Variants in SMOC2 observed in about 807,000 individuals in gnomAD.
SMOC2 encodes the protein SPARC related modular calcium binding 2, also known as SPARC-related modular calcium-binding protein 2.
A neutral mutation model predicts 61.4 loss-of-function variants in SMOC2; 39 were observed. That is an observed-to-expected ratio of 0.64 (90% CI 0.49 to 0.83). SMOC2 has a LOEUF of 0.83. SMOC2 is among the 40% of genes least tolerant of loss of function. The probability of loss-of-function intolerance (pLI) is 0.00; values close to 1 mark genes in which losing one functional copy is unlikely to be tolerated. For missense variants in SMOC2, 556 were observed against 592.9 expected (o/e 0.94, Z 0.65); for synonymous variants, 247 against 239.9 (o/e 1.03, Z -0.27).
chr6:168,601,503 A>G (rs1029813699), intron 8 of SMOC2, among the ~76,000 whole-genome samples: 23 of 152,254 alleles, frequency 1.5e-4, no homozygotes, highest in Admixed American at 2.6e-4. Flanking sequence ...GAGAATTATT[A>G]TTTTTTTAGT....
intron 4 of SMOC2, among the ~76,000 whole-genome samples, chr6:168,541,290 A>C (rs1453497485): frequency 6.6e-6 from 1 of 152,200 alleles, no homozygotes; most frequent in Non-Finnish European, 1.5e-5. Context: ...TGTGTCTGTG[A>C]ACAGCAAGCA....
chr6:168,630,997 G>A (rs147758551), intron 9 of SMOC2, among the ~76,000 whole-genome samples: 36 of 152,280 alleles, frequency 2.4e-4, no homozygotes, highest in Non-Finnish European at 4.7e-4. Context: ...CCGGGCCTGT[G>A]GTCCTGTGAT....
In SMOC2 at chr6:168,453,911, CCT is replaced by C. The variant is rs1562536992; in HGVS notation, c.84+12466_84+12467del. Among the ~76,000 whole-genome samples the C allele has an allele frequency of 6.6e-6, 1 of 150,768 alleles. No homozygotes were observed. Among genetic ancestry groups the C allele is most frequent in the African/African-American group, 2.4e-5 (1 of 40,982 alleles). On this transcript the variant is annotated intron_variant, in intron 1 of 12. Transcript: ENST00000356284. The surrounding 1 kb of genome is among the most constrained non-coding windows in gnomAD (Gnocchi z 4.4). ...CTCTATCTCTCTTTCTCTCTGTCTT[CCT>C]CTCTCTCTGTCTCTCTGATTCTATC...
chr6:168,601,342 C>T (rs1785550147), intron 8 of SMOC2, among the ~76,000 whole-genome samples: 1 of 152,230 alleles, frequency 6.6e-6, no homozygotes, highest in Admixed American at 6.5e-5. Context: ...TGACCGCCTG[C>T]TCTCGACACC....
intron 9 of SMOC2, among the ~76,000 whole-genome samples, chr6:168,609,255 A>G (rs1785791370): frequency 6.6e-6 from 1 of 152,194 alleles, no homozygotes; most frequent in Non-Finnish European, 1.5e-5. Context: ...CTGGCTTGTT[A>G]GGAACTGTCT....
In SMOC2 at chr6:168,526,533, G is replaced by A. The variant is rs12111003; in HGVS notation, c.363+81G>A. The stretch of plus-strand genomic sequence containing the variant: ...GAGCGGGTGTGGGGAGAAGGCAGGT[G>A]GGGGGAGCCGAACAGAAGAAGCAGC... On this transcript the variant is annotated intron_variant, in intron 3 of 12. Transcript: ENST00000356284. 348,868 of 1,133,846 alleles carry A rather than the reference G, an allele frequency of 0.31. 59,796 individuals carry two copies. The highest frequency in any genetic ancestry group is 0.36 in the Non-Finnish European group (270,748 of 754,708). The allele number at this position is 1,133,846 out of a possible 1,614,324, so 70.2% of individuals were successfully genotyped here.
At chr6:168,527,813 T>C in intron 4 of SMOC2, 86 bp downstream of exon 4, 1 of 940,242 alleles carries the variant, frequency 1.1e-6, no homozygotes, top group Non-Finnish European at 1.7e-6. Flanking sequence ...GGTTTACTGA[T>C]AATTCAAAGG....
chr6:168,443,237 C>G (rs1391285994), intron 1 of SMOC2, among the ~76,000 whole-genome samples: 2 of 152,112 alleles, frequency 1.3e-5, no homozygotes, highest in African/African-American at 4.8e-5. Context: ...TGTTGGTCCC[C>G]CCTGGAAGAG....
chr6:168,623,898 TG>T, intron 9 of SMOC2, among the ~76,000 whole-genome samples: 1 of 152,084 alleles, frequency 6.6e-6, no homozygotes, highest in African/African-American at 2.4e-5. Context: ...GCAGTGGCTG[TG>T]GGGATGGCAG....
intron 1 of SMOC2, among the ~76,000 whole-genome samples, chr6:168,480,841 G>A (rs1397068772): frequency 6.6e-6 from 1 of 152,154 alleles, no homozygotes; most frequent in Non-Finnish European, 1.5e-5. Context: ...TCACATACAA[G>A]GATCCTCAGT....
At chr6:168,599,597 A>ACCCCCACACACCCACACATC (rs1785469330) in intron 8 of SMOC2, among the ~76,000 whole-genome samples, 2 of 89,318 alleles carry the variant, frequency 2.2e-5, no homozygotes, top group African/African-American at 5.0e-5. Context: ...ACCCACACAT[A>ACCCCCACACACCCACACATC]CCCCCACACA....
chr6:168,551,732 G>C (rs1050919671), intron 7 of SMOC2, among the ~76,000 whole-genome samples: 1 of 152,138 alleles, frequency 6.6e-6, no homozygotes, highest in Admixed American at 6.5e-5. Context: ...GAGATTATGG[G>C]CGTGAGCCAC....
At chr6:168,456,475 T>A (rs1583029292) in intron 1 of SMOC2, among the ~76,000 whole-genome samples, 1 of 152,276 alleles carries the variant, frequency 6.6e-6, no homozygotes, top group Middle Eastern at 3.4e-3. Context: ...ACCAGGTACC[T>A]TCGGTGCTGC....
chr6:168,542,647 A>C (rs762121015), intron 4 of SMOC2, among the ~76,000 whole-genome samples: 1 of 152,018 alleles, frequency 6.6e-6, no homozygotes, highest in Non-Finnish European at 1.5e-5. Flanking sequence ...GGGCACTGTG[A>C]CCTCGAGGCA....
intron 9 of SMOC2, 46 bp from the exon 10 acceptor site, chr6:168,650,635 G>A (rs753536845): frequency 1.3e-6 from 2 of 1,559,700 alleles, no homozygotes; most frequent in South Asian, 2.3e-5. Flanking sequence ...AGGAAAATCT[G>A]TTAGGCTTTA....
At chr6:168,628,977 A>C (rs1156496521) in intron 9 of SMOC2, among the ~76,000 whole-genome samples, 26 of 152,220 alleles carry the variant, frequency 1.7e-4, no homozygotes. Context: ...TGGGCTGCGC[A>C]GGGGTTCCAC....
At chr6:168,649,227 C>T (rs1787129572) in intron 9 of SMOC2, among the ~76,000 whole-genome samples, 2 of 152,248 alleles carry the variant, frequency 1.3e-5, no homozygotes, top group Non-Finnish European at 2.9e-5. Flanking sequence ...CTGAGATTCC[C>T]TTTGGCGGGG....
At chr6:168,631,969 C>T (rs537742629) in intron 9 of SMOC2, among the ~76,000 whole-genome samples, 27 of 152,284 alleles carry the variant, frequency 1.8e-4, no homozygotes, top group Non-Finnish European at 2.9e-4. Context: ...ACCAGGGATC[C>T]GAGCAGACCC....
At chr6:168,470,446 C>T (rs959879675) in intron 1 of SMOC2, among the ~76,000 whole-genome samples, 6 of 152,228 alleles carry the variant, frequency 3.9e-5, no homozygotes, top group South Asian at 2.1e-4. Flanking sequence ...GAGGCCGAGT[C>T]GGTGGGCTGC....
Sources: gnomAD v4.1 joint callset for allele counts (sites outside exome capture counted in the v4.1 genomes callset) on GRCh38, gnomAD v4.1.1 for gene constraint, Gnocchi (gnomAD v3.1) non-coding constraint, MANE v1.5 for transcripts, NCBI Gene and HGNC (gene_info 2026-07-23, HGNC 2026-07-21) for gene names.